The following RSRC1 variants were observed in gnomAD, a reference collection of about 807,000 sequenced individuals.
The protein encoded by RSRC1 is serine/Arginine-related protein 53.
Under a neutral mutation model 49.1 loss-of-function variants are expected in RSRC1, and 39 were observed. That is an observed-to-expected ratio of 0.79 (90% CI 0.61 to 1.04). The LOEUF is 1.04. Ranked by LOEUF, RSRC1 falls within the 50% of genes least tolerant of loss-of-function variation. The pLI is 0.00. For missense variants in RSRC1, 388 were observed against 402.4 expected (o/e 0.96, Z 0.31); for synonymous variants, 143 against 130.8 (o/e 1.09, Z -0.63).
intron 3 of RSRC1, among the ~76,000 whole-genome samples, chr3:158,145,027 A>G (rs915826866): frequency 2.0e-5 from 3 of 152,162 alleles, no homozygotes; most frequent in African/African-American, 7.2e-5. Flanking sequence ...GATTCTGGAT[A>G]TTAGCCCTTT....
chr3:158,445,872 A>G (rs963474540), intron 6 of RSRC1, among the ~76,000 whole-genome samples: 1 of 152,142 alleles, frequency 6.6e-6, no homozygotes, highest in African/African-American at 2.4e-5. Flanking sequence ...GGGTTCACCA[A>G]AAAAATCACA....
intron 6 of RSRC1, among the ~76,000 whole-genome samples, chr3:158,401,203 C>T (rs1469418301): frequency 1.3e-5 from 2 of 152,000 alleles, no homozygotes; most frequent in African/African-American, 2.4e-5. Flanking sequence ...TTTCTCAGAA[C>T]ATATCCCCAT....
intron 6 of RSRC1, among the ~76,000 whole-genome samples, chr3:158,372,826 C>T (rs776451663): frequency 9.9e-5 from 15 of 151,806 alleles, no homozygotes; most frequent in Non-Finnish European, 1.8e-4. Context: ...TTTGAATCCA[C>T]GGACATGGTA....
intron 5 of RSRC1, among the ~76,000 whole-genome samples, chr3:158,299,377 A>G (rs900358103): frequency 6.6e-6 from 1 of 151,750 alleles, no homozygotes; most frequent in Non-Finnish European, 1.5e-5. Flanking sequence ...TCTTTCTCCC[A>G]GATTAGTGTG....
chr3:158,357,103 GT>G (rs1731201462), intron 6 of RSRC1, among the ~76,000 whole-genome samples: 1 of 152,158 alleles, frequency 6.6e-6, no homozygotes, highest in Admixed American at 6.5e-5. Context: ...AAATACTCAA[GT>G]TTTTAAGTCA....
At chr3:158,157,206 A>G (rs1717929205) in intron 3 of RSRC1, among the ~76,000 whole-genome samples, 1 of 152,254 alleles carries the variant, frequency 6.6e-6, no homozygotes, top group African/African-American at 2.4e-5. Flanking sequence ...AAATAATAAT[A>G]GTAACAATAC....
intron 6 of RSRC1, among the ~76,000 whole-genome samples, chr3:158,423,750 G>A (rs148794106): frequency 0.018 from 2,659 of 151,844 alleles, 62 homozygotes; most frequent in African/African-American, 0.06. Context: ...CTTTTATTTC[G>A]TTGAGCAGTG....
intron 5 of RSRC1, among the ~76,000 whole-genome samples, chr3:158,327,021 G>T (rs984639793): frequency 6.6e-6 from 1 of 152,148 alleles, no homozygotes; most frequent in Non-Finnish European, 1.5e-5. Flanking sequence ...TTGCATAGAG[G>T]TGTTTATAGT....
chr3:158,196,838 C>A (rs1720653776), intron 3 of RSRC1, among the ~76,000 whole-genome samples: 2 of 152,240 alleles, frequency 1.3e-5, no homozygotes, highest in South Asian at 4.2e-4. Context: ...GACTTGCATC[C>A]CAGGGATGAA....
At chr3:158,508,210 G>C (rs9883657) in intron 7 of RSRC1, among the ~76,000 whole-genome samples, 78,635 of 152,038 alleles carry the variant, frequency 0.52, 20,802 homozygotes, top group African/African-American at 0.62. Context: ...AGAACTGTAG[G>C]CAATTTGAAG....
intron 4 of RSRC1, among the ~76,000 whole-genome samples, chr3:158,281,404 A>G (rs1002726026): frequency 1.3e-5 from 2 of 151,794 alleles, no homozygotes; most frequent in Non-Finnish European, 2.9e-5. Flanking sequence ...CTTATGAATG[A>G]TATACATTTT....
At chr3:158,251,122 G>A (rs1245358859) in intron 4 of RSRC1, among the ~76,000 whole-genome samples, 1 of 152,152 alleles carries the variant, frequency 6.6e-6, no homozygotes, top group Non-Finnish European at 1.5e-5. Context: ...TTGAAAATGA[G>A]TTCGCTGTAG....
chr3:158,511,971 T>G (rs966237444), intron 7 of RSRC1, among the ~76,000 whole-genome samples: 10 of 151,176 alleles, frequency 6.6e-5, no homozygotes, highest in Middle Eastern at 3.4e-3. Context: ...GATGGGGTTG[T>G]TTTTTTCTTG....
intron 8 of RSRC1, among the ~76,000 whole-genome samples, chr3:158,541,452 A>AT (rs1206721614): frequency 6.6e-6 from 1 of 152,218 alleles, no homozygotes; most frequent in Non-Finnish European, 1.5e-5. Flanking sequence ...GACAGGAACC[A>AT]TATCTATTTG....
chr3:158,118,460 T>C (rs200790046), intron 1 of RSRC1, among the ~76,000 whole-genome samples: 2,349 of 104,986 alleles, frequency 0.022, 46 homozygotes, highest in Non-Finnish European at 0.027. Context: ...TGTGTGTGTG[T>C]GTGCGCGTGC....
rs1578089902 is a variant in RSRC1 at position 158,110,332 on chromosome 3, T to G, written c.-3+109T>G. On this transcript the variant is annotated intron_variant, in intron 1 of 9. Coordinates refer to ENST00000611884, the MANE Select transcript of RSRC1 (RefSeq NM_001271838.2). ...GCCTGGCGCAGTTTGCGGCTCAGTG[T>G]CTGTGGAGGGTGGGCTGCGGCCTCG... 3 of 152,404 alleles carry G rather than the reference T, an allele frequency of 2.0e-5. No individual in the cohort carries two copies. The South Asian group carries it at 6.2e-4, about 32-fold the overall frequency. 9.4% of individuals were successfully genotyped at this position (152,404 alleles called of 1,614,324 possible). A position where few individuals can be genotyped will look rare whatever the true frequency, so the allele number is the denominator to read the frequency against.
chr3:158,127,964 C>T (rs1212417853), intron 3 of RSRC1, among the ~76,000 whole-genome samples: 1 of 152,104 alleles, frequency 6.6e-6, no homozygotes, highest in African/African-American at 2.4e-5. Flanking sequence ...ATATTTGAAG[C>T]ATGTACTTCA....
intron 6 of RSRC1, among the ~76,000 whole-genome samples, chr3:158,355,262 C>A (rs980540106): frequency 6.6e-6 from 1 of 151,668 alleles, no homozygotes; most frequent in Non-Finnish European, 1.5e-5. Context: ...TTTTTTCTTA[C>A]ATTTTCTTTC....
At chr3:158,324,140 TTCTC>T (rs781091368) in intron 5 of RSRC1, among the ~76,000 whole-genome samples, 1 of 152,208 alleles carries the variant, frequency 6.6e-6, no homozygotes, top group South Asian at 2.1e-4. Flanking sequence ...ATTCAATTAT[TTCTC>T]TATTGTTAGG....
Sources: gnomAD v4.1 joint callset for allele counts (sites outside exome capture counted in the v4.1 genomes callset) on GRCh38, gnomAD v4.1.1 for gene constraint, MANE v1.5 for transcripts, NCBI Gene and HGNC (gene_info 2026-07-23, HGNC 2026-07-21) for gene names.